ZNF680: variants seen among roughly 807,000 people sequenced by gnomAD.
ZNF680 encodes zinc finger protein 680, also known as hypothetical protein FLJ90430.
A neutral mutation model predicts 12.1 loss-of-function variants in ZNF680; 6 were observed. The ratio of observed to expected loss-of-function variants is 0.49; its 90% CI spans 0.27 to 0.98. ZNF680 has a LOEUF of 0.98. Ranked by LOEUF, ZNF680 falls within the 50% of genes least tolerant of loss-of-function variation. ZNF680 has a pLI of 0.12. For missense variants in ZNF680, 561 were observed against 616.3 expected (o/e 0.91, Z 0.95); for synonymous variants, 170 against 199.3 (o/e 0.85, Z 1.24).
chr7:64,526,792 T>C (rs762287483), intron 3 of ZNF680, among the ~76,000 whole-genome samples: 1 of 152,238 alleles, frequency 6.6e-6, no homozygotes, highest in Non-Finnish European at 1.5e-5. Flanking sequence ...ATATTAGTTT[T>C]TGCATTAAAT....
chr7:64,535,177 C>T (rs1271374990), intron 3 of ZNF680, among the ~76,000 whole-genome samples: 1 of 151,918 alleles, frequency 6.6e-6, no homozygotes, highest in Non-Finnish European at 1.5e-5. Flanking sequence ...AATTTGAGAC[C>T]AGTCTGGACA....
the ZNF680 span, among the ~76,000 whole-genome samples, chr7:64,509,824 C>A: frequency 6.6e-6 from 1 of 151,924 alleles, no homozygotes; most frequent in Non-Finnish European, 1.5e-5. Context: ...GTAGCCTGAA[C>A]CCAAAGGAGA....
At position 64,521,237 on chromosome 7, in the gene ZNF680, G is replaced by C; in HGVS notation, c.1517C>G (p.Thr506Ser). The C allele has an allele frequency of 6.2e-7, 1 of 1,613,556 alleles. No homozygotes were observed. Among genetic ancestry groups the C allele is most frequent in the Non-Finnish European group, 8.5e-7 (1 of 1,179,606 alleles). The change falls in exon 4 of 4, where the codon ACT becomes AGT. Residue 506 changes from threonine to serine, a missense_variant. Thr to Ser is a moderately conservative substitution (Grantham distance 58). Coordinates refer to ENST00000309683, the MANE Select transcript of ZNF680 (RefSeq NM_178558.5). ...GKAFNRSSHL[T>S]RHKKIHTGEK... ...ACCAGTATGAATTTTCTTATGTCTA[G>C]TAAGGTGTGAGGACCGGTTAAAAGC...
At position 64,524,771 on chromosome 7, in the gene ZNF680, G is replaced by A. The variant is rs76469193; in HGVS notation, c.254-2271C>T. 4.0e-5 allele frequency: 6 copies of A among 150,670 alleles called. 1 individual carries two copies. The South Asian group carries it at 1.3e-3, about 32-fold the overall frequency. 9.3% of individuals were successfully genotyped at this position (150,670 alleles called of 1,614,324 possible). On this transcript the variant is annotated intron_variant, in intron 3 of 3. Transcript: ENST00000309683. The stretch of plus-strand genomic sequence containing the variant: ...GAAATTCTCCTTGATAGAAAACCTG[G>A]TAAACCAAAAAAGAAGTCTTAACAA...
At chr7:64,518,755 T>C (rs1321890304), downstream of ZNF680, among the ~76,000 whole-genome samples, 8 of 151,840 alleles carry the variant, frequency 5.3e-5, no homozygotes, top group Admixed American at 1.3e-4. Flanking sequence ...GGAAACCCTA[T>C]TGAACAAATA....
chr7:64,563,013 G>T lies in ZNF680; in HGVS notation c.-59C>A. ...CGGAGTCACAGAGGCTGGGCCTCTA[G>T]GAGCAGAATACACAGAGCAGTAAAG... On this transcript the variant is annotated 5_prime_UTR_variant, in exon 1 of 4. Coordinates refer to ENST00000309683, the MANE Select transcript of ZNF680 (RefSeq NM_178558.5). The T allele has an allele frequency of 1.3e-6, 2 of 1,592,398 alleles. No individual in the cohort carries two copies. Among genetic ancestry groups the T allele is most frequent in the Non-Finnish European group, 1.7e-6 (2 of 1,160,910 alleles).
At chr7:64,523,356 C>A (rs1791646774) in intron 3 of ZNF680, among the ~76,000 whole-genome samples, 1 of 151,516 alleles carries the variant, frequency 6.6e-6, no homozygotes. Context: ...TATGTAATCC[C>A]CAAGGTACCA....
intron 3 of ZNF680, among the ~76,000 whole-genome samples, chr7:64,523,997 A>G (rs1324874137): frequency 6.6e-6 from 1 of 152,196 alleles, no homozygotes; most frequent in African/African-American, 2.4e-5. Context: ...AACAGACTGA[A>G]AGTAGCAAGA....
At chr7:64,524,796 A>T (rs948710211) in intron 3 of ZNF680, 1 of 150,730 alleles carries the variant, frequency 6.6e-6, no homozygotes, top group Admixed American at 6.6e-5. Flanking sequence ...AGTCTTAACA[A>T]ATTATTTAAA....
At chr7:64,508,123 GTATATATA>G in the ZNF680 span, among the ~76,000 whole-genome samples, 8 of 117,666 alleles carry the variant, frequency 6.8e-5, no homozygotes, top group East Asian at 3.8e-4. Context: ...ATTTTAAAAT[GTATATATA>G]TATATATATA....
rs565444384 is a variant in ZNF680 at position 64,544,699 on chromosome 7, A to C, written c.31-267T>G. Among the ~76,000 whole-genome samples the C allele has an allele frequency of 5.6e-4, 85 of 152,352 alleles. No homozygotes were observed. In the South Asian group the frequency reaches 6.4e-3, roughly 12 times the overall value. ...TTTTTTGAAGAAAAACTATAACAGGACATGAATACAAACATGTAAATTTTT... is the reference window on the plus strand; with the variant it reads ...TTTTTTGAAGAAAAACTATAACAGGCCATGAATACAAACATGTAAATTTTT... On this transcript the variant is annotated intron_variant, in intron 1 of 3. Transcript: ENST00000309683.
In ZNF680 at chr7:64,535,949, A is replaced by C. The variant is rs73355725; in HGVS notation, c.253+7758T>G. On this transcript the variant is annotated intron_variant, in intron 3 of 3. Coordinates refer to ENST00000309683, the MANE Select transcript of ZNF680 (RefSeq NM_178558.5). Reference sequence around the variant, plus strand: ...ACAGAATGAGATTCTGTCTCAAAAAAACAAAAACACAAACAAACAAATAAG... The same window carrying C: ...ACAGAATGAGATTCTGTCTCAAAAACACAAAAACACAAACAAACAAATAAG... Among the ~76,000 whole-genome samples, 1,491 of 152,270 alleles carry C rather than the reference A, an allele frequency of 9.8e-3. 26 individuals carry two copies. Among genetic ancestry groups the C allele is most frequent in the African/African-American group, 0.034 (1,426 of 41,550 alleles).
chr7:64,508,496 G>A, the ZNF680 span, among the ~76,000 whole-genome samples: 1 of 152,098 alleles, frequency 6.6e-6, no homozygotes, highest in African/African-American at 2.4e-5. Flanking sequence ...TAAAAAATGA[G>A]AGCTAATAAA....
intron 3 of ZNF680, among the ~76,000 whole-genome samples, chr7:64,540,400 G>T (rs1375881933): frequency 6.6e-6 from 1 of 151,000 alleles, no homozygotes; most frequent in African/African-American, 2.4e-5. Context: ...TGCCTCCCAG[G>T]TTCAAGAGAT....
the ZNF680 span, among the ~76,000 whole-genome samples, chr7:64,510,117 CA>C: frequency 7.0e-6 from 1 of 142,964 alleles, no homozygotes; most frequent in Non-Finnish European, 1.5e-5. Context: ...ACAACAATAA[CA>C]AAAAAGCCCC....
At chr7:64,501,805 A>G in the ZNF680 span, 3 of 657,144 alleles carry the variant, frequency 4.6e-6, no homozygotes, top group Non-Finnish European at 5.7e-6. Context: ...ATTTTTTACC[A>G]GATCTTCTTC....
chr7:64,547,059 T>C (rs1020599577), intron 1 of ZNF680, among the ~76,000 whole-genome samples: 1 of 152,034 alleles, frequency 6.6e-6, no homozygotes, highest in African/African-American at 2.4e-5. Context: ...AAATTGGCCA[T>C]GTAATCCTAA....
At chr7:64,511,538 G>A in the ZNF680 span, among the ~76,000 whole-genome samples, 6 of 151,658 alleles carry the variant, frequency 4.0e-5, no homozygotes, top group East Asian at 1.9e-4. Flanking sequence ...GGCCATCACC[G>A]CCTCAAATAT....
the ZNF680 span, chr7:64,501,345 TAA>T: frequency 8.1e-7 from 1 of 1,230,568 alleles, no homozygotes; most frequent in Non-Finnish European, 1.2e-6. Flanking sequence ...GCTTCAATTC[TAA>T]GAGTGGACAG....
Sources: gnomAD v4.1 joint callset for allele counts (sites outside exome capture counted in the v4.1 genomes callset) on GRCh38, gnomAD v4.1.1 for gene constraint, MANE v1.5 for transcripts, NCBI Gene and HGNC (gene_info 2026-07-23, HGNC 2026-07-21) for gene names.